FARS2: variants seen among roughly 807,000 people sequenced by gnomAD.
FARS2 encodes the protein phenylalanyl-tRNA synthetase 2, mitochondrial.
A neutral mutation model predicts 46.4 loss-of-function variants in FARS2; 40 were observed. The ratio of observed to expected loss-of-function variants is 0.86; its 90% CI spans 0.67 to 1.12. The LOEUF (loss-of-function observed/expected upper bound fraction) is 1.12. FARS2 is among the 50% of genes most tolerant of loss of function. The pLI, the probability that FARS2 is intolerant of heterozygous loss-of-function variation, is 0.00. For missense variants in FARS2, 513 were observed against 567.9 expected (o/e 0.90, Z 0.98); for synonymous variants, 234 against 214.9 (o/e 1.09, Z -0.78).
At chr6:5,391,546 T>C (rs2127691454) in intron 2 of FARS2, among the ~76,000 whole-genome samples, 1 of 151,256 alleles carries the variant, frequency 6.6e-6, no homozygotes, top group Non-Finnish European at 1.5e-5. Context: ...GCAGATTGTA[T>C]AGATGAAACT....
At chr6:5,611,288 G>A (rs191326073) in intron 5 of FARS2, among the ~76,000 whole-genome samples, 2 of 152,328 alleles carry the variant, frequency 1.3e-5, no homozygotes, top group African/African-American at 4.8e-5. Flanking sequence ...TATGGAGAAA[G>A]CCACTTAGTG....
intron 5 of FARS2, among the ~76,000 whole-genome samples, chr6:5,606,461 C>G (rs1045922687): frequency 6.6e-6 from 1 of 151,954 alleles, no homozygotes; most frequent in African/African-American, 2.4e-5. Context: ...CATGTAAATA[C>G]CGAGAGAGTT....
chr6:5,468,701 T>C (rs1401355021), intron 4 of FARS2, among the ~76,000 whole-genome samples: 1 of 152,234 alleles, frequency 6.6e-6, no homozygotes, highest in Non-Finnish European at 1.5e-5. Context: ...GCAATCCATT[T>C]TGTTTTCTAA....
chr6:5,250,230 T>A, the FARS2 span, among the ~76,000 whole-genome samples: 1 of 152,124 alleles, frequency 6.6e-6, no homozygotes, highest in Non-Finnish European at 1.5e-5. Context: ...TTTTTGTAAG[T>A]TTTAAAAATG....
At chr6:5,654,784 C>T (rs925647723) in intron 6 of FARS2, among the ~76,000 whole-genome samples, 2 of 152,078 alleles carry the variant, frequency 1.3e-5, no homozygotes, top group African/African-American at 2.4e-5. Context: ...CCCACTTATA[C>T]GTGGATTTTC....
chr6:5,746,203 AG>A (rs2150958378), intron 6 of FARS2, among the ~76,000 whole-genome samples: 1 of 152,320 alleles, frequency 6.6e-6, no homozygotes, highest in Non-Finnish European at 1.5e-5. Flanking sequence ...ACCCAAAGCC[AG>A]GCAGGCTTTC....
intron 6 of FARS2, among the ~76,000 whole-genome samples, chr6:5,728,836 C>G (rs1385512157): frequency 1.3e-5 from 2 of 152,218 alleles, no homozygotes; most frequent in Non-Finnish European, 2.9e-5. Flanking sequence ...AGCCACTGCG[C>G]TGGCCTCCCT....
At chr6:5,334,264 A>G (rs1339580883) in intron 1 of FARS2, among the ~76,000 whole-genome samples, 1 of 152,210 alleles carries the variant, frequency 6.6e-6, no homozygotes, top group Non-Finnish European at 1.5e-5. Flanking sequence ...TGGCACTCGT[A>G]CATTGTTGAT....
chr6:5,276,132 C>G (rs951228168), intron 1 of FARS2, among the ~76,000 whole-genome samples: 8 of 152,134 alleles, frequency 5.3e-5, no homozygotes, highest in Non-Finnish European at 1.0e-4. Flanking sequence ...AAGTTATTGA[C>G]TTAGAATGGA....
intron 1 of FARS2, among the ~76,000 whole-genome samples, chr6:5,275,366 T>A (rs1272956523): frequency 6.6e-6 from 1 of 152,236 alleles, no homozygotes; most frequent in Admixed American, 6.5e-5. Context: ...TCATTATTTC[T>A]TATGACATCT....
intron 3 of FARS2, among the ~76,000 whole-genome samples, chr6:5,413,378 GT>G (rs200053373): frequency 0.015 from 2,224 of 152,264 alleles, 25 homozygotes; most frequent in Middle Eastern, 0.027. Flanking sequence ...TAGGGCTGCT[GT>G]AATGAAAACC....
At chr6:5,273,824 A>T (rs757059490) in intron 1 of FARS2, among the ~76,000 whole-genome samples, 4 of 152,132 alleles carry the variant, frequency 2.6e-5, no homozygotes, top group Non-Finnish European at 4.4e-5. Flanking sequence ...TTAAATCTTT[A>T]ATCTACTTTT....
In FARS2 at chr6:5,433,250, C is replaced by T. The variant is rs752568697; in HGVS notation, c.904+2078C>T. On this transcript the variant is annotated intron_variant, in intron 4 of 6. Coordinates refer to ENST00000274680, the MANE Select transcript of FARS2 (RefSeq NM_006567.5). ...CTTAAGATGGGTGCAAGGATACACC[C>T]TCAGAGTTCCATTATGGGGATAGAT... Among the ~76,000 whole-genome samples the T allele has an allele frequency of 9.4e-4, 143 of 152,180 alleles. 2 individuals carry two copies. Among genetic ancestry groups the T allele is most frequent in the Middle Eastern group, 3.2e-3 (1 of 316 alleles).
At chr6:5,265,449 G>A (rs1765487537) in intron 1 of FARS2, among the ~76,000 whole-genome samples, 2 of 152,142 alleles carry the variant, frequency 1.3e-5, no homozygotes, top group Admixed American at 1.3e-4. Flanking sequence ...TTATGCATTG[G>A]CTGAGTTATA....
intron 6 of FARS2, among the ~76,000 whole-genome samples, chr6:5,653,453 G>T (rs975425013): frequency 6.6e-6 from 1 of 152,208 alleles, no homozygotes; most frequent in African/African-American, 2.4e-5. Flanking sequence ...GGAAGGCGTT[G>T]GACCAGCTGC....
chr6:5,420,484 C>T (rs766161001), intron 3 of FARS2, among the ~76,000 whole-genome samples: 4 of 152,180 alleles, frequency 2.6e-5, no homozygotes, highest in Non-Finnish European at 5.9e-5. Context: ...AATGGGGGTA[C>T]TGGCATTGGG....
chr6:5,358,702 A>G (rs1758096536), intron 1 of FARS2, among the ~76,000 whole-genome samples: 1 of 152,204 alleles, frequency 6.6e-6, no homozygotes, highest in African/African-American at 2.4e-5. Flanking sequence ...ATCTTTAGAC[A>G]CTTCAGATTA....
chr6:5,760,618 T>C (rs1582894238), intron 6 of FARS2, among the ~76,000 whole-genome samples: 1 of 152,326 alleles, frequency 6.6e-6, no homozygotes, highest in South Asian at 2.1e-4. Context: ...GGCTCTCTTC[T>C]GTGACCCCAC....
chr6:5,261,089 TC>T, upstream of FARS2: 1 of 354,452 alleles, frequency 2.8e-6, no homozygotes, highest in Non-Finnish European at 4.1e-6. Context: ...CGCCCGTGCA[TC>T]CAGCCAAGCT....
Sources: allele counts gnomAD v4.1 joint callset (sites outside exome capture counted in the v4.1 genomes callset), GRCh38; gene constraint gnomAD v4.1.1; transcripts MANE v1.5; gene names NCBI Gene and HGNC (gene_info 2026-07-23, HGNC 2026-07-21).